Variants in PSMD11 observed in about 807,000 individuals in gnomAD.
PSMD11 encodes the protein proteasome 26S subunit, non-ATPase 11.
In PSMD11, 5 loss-of-function variants were observed where a neutral mutation model predicts 62.3. The ratio of observed to expected loss-of-function variants is 0.08; its 90% CI spans 0.04 to 0.17. PSMD11 has a LOEUF of 0.17. Among genes scored for constraint, PSMD11 ranks in the 10% least tolerant of loss-of-function variants. PSMD11 has a pLI of 1.00. For synonymous variants in PSMD11, 191 were observed against 191.8 expected (o/e 1.00, Z 0.03); for missense variants, 310 against 512.9 (o/e 0.60, Z 3.82).
intron 3 of PSMD11, among the ~76,000 whole-genome samples, chr17:32,456,561 G>A (rs1167685680): frequency 6.6e-6 from 1 of 151,026 alleles, no homozygotes. Flanking sequence ...ACGGAGTCTC[G>A]CTCTGTCGCC....
chr17:32,480,737 C>A lies in PSMD11; in HGVS notation c.*1-16C>A. On this transcript the variant is annotated splice_polypyrimidine_tract_variant and intron_variant, in intron 13 of 13. Transcript: ENST00000261712. ...TCATGGCTTCCTGATTGACACTGCT[C>A]TGTCTTCTCTTGCAGAGTTGGATCT... is the stretch of plus-strand genomic sequence containing the variant. 7.6e-7 allele frequency: 1 copy of A among 1,321,628 alleles called. No individual in the cohort carries two copies. Among genetic ancestry groups the A allele is most frequent in the Non-Finnish European group, 1.0e-6 (1 of 957,228 alleles). 81.9% of individuals were successfully genotyped at this position (1,321,628 alleles called of 1,614,324 possible).
chr17:32,481,331 C>T lies in PSMD11; in HGVS notation c.*579C>T. 6.2e-6 allele frequency: 1 copy of T among 160,648 alleles called. No individual in the cohort carries two copies. Among genetic ancestry groups the T allele is most frequent in the Non-Finnish European group, 1.4e-5 (1 of 72,534 alleles). 10.0% of individuals were successfully genotyped at this position (160,648 alleles called of 1,614,324 possible). On this transcript the variant is annotated 3_prime_UTR_variant, in exon 14 of 14. Transcript: ENST00000261712. ...AGCAGAGTAGCCGAAGGTCCTGCCG[C>T]CGCCGCCACCACCACCACCACTGCA...
Position 32,446,868 on chromosome 17 carries a change from T to C in PSMD11, c.92-77T>C, listed in dbSNP as rs1420338897. ...TAAATATGTTTGAGTTTGTAATGGA[T>C]CTTATGAGGGTGAAATTTCCCTCAG... On this transcript the variant is annotated intron_variant, in intron 1 of 13. Coordinates refer to ENST00000261712, the MANE Select transcript of PSMD11 (RefSeq NM_002815.4). The C allele has an allele frequency of 7.4e-6, 7 of 941,116 alleles. No individual in the cohort carries two copies. The Admixed American group carries it at 1.4e-4, about 19-fold the overall frequency. 58.3% of individuals were successfully genotyped at this position (941,116 alleles called of 1,614,324 possible). A position where few individuals can be genotyped will look rare whatever the true frequency, so the allele number is the denominator to read the frequency against.
chr17:32,468,084 G>C (rs1251560089), intron 5 of PSMD11, among the ~76,000 whole-genome samples: 1 of 152,130 alleles, frequency 6.6e-6, no homozygotes. Flanking sequence ...AGTTTGCTAA[G>C]GATAATAGCC....
At chr17:32,451,040 G>C (rs1380592307) in intron 2 of PSMD11, among the ~76,000 whole-genome samples, 2 of 151,214 alleles carry the variant, frequency 1.3e-5, no homozygotes, top group East Asian at 3.9e-4. Context: ...AGGATCACTT[G>C]AGCCTGGGAA....
chr17:32,480,213 A>G lies in PSMD11; in HGVS notation c.1126+16A>G. 1 of 1,607,776 alleles carries G rather than the reference A, an allele frequency of 6.2e-7. No homozygotes were observed. The highest frequency in any genetic ancestry group is 8.5e-7 in the Non-Finnish European group (1 of 1,174,170). On this transcript the variant is annotated intron_variant, in intron 12 of 13. Coordinates refer to ENST00000261712, the MANE Select transcript of PSMD11 (RefSeq NM_002815.4). Reference sequence around the variant, plus strand: ...AAATTTCATGGTAAGTAACAGTCACACAGGCAAGGGGGCTGGTGGTGGTGA... The same window carrying G: ...AAATTTCATGGTAAGTAACAGTCACGCAGGCAAGGGGGCTGGTGGTGGTGA...
chr17:32,444,987 T>G, intron 1 of PSMD11: 1 of 296,260 alleles, frequency 3.4e-6, no homozygotes, highest in Non-Finnish European at 6.3e-6. Context: ...GGACTGGTCC[T>G]AGAGTCTCTA....
intron 3 of PSMD11, among the ~76,000 whole-genome samples, chr17:32,459,236 T>C (rs1224257391): frequency 1.3e-5 from 2 of 151,376 alleles, no homozygotes; most frequent in African/African-American, 4.9e-5. Flanking sequence ...CAAAGGAATG[T>C]ATGGACTGTG....
intron 6 of PSMD11, among the ~76,000 whole-genome samples, chr17:32,471,248 G>A (rs1908153313): frequency 6.6e-6 from 1 of 152,204 alleles, no homozygotes; most frequent in African/African-American, 2.4e-5. Context: ...CCAAGTGATA[G>A]CATAGGTTGG....
Position 32,469,540 on chromosome 17 carries a change from CTTT to C in PSMD11, c.643+348_643+350del, listed in dbSNP as rs542916671. On this transcript the variant is annotated intron_variant, in intron 6 of 13. Coordinates refer to ENST00000261712, the MANE Select transcript of PSMD11 (RefSeq NM_002815.4). ...CCCAAGTCTGTTGACTCTTGGAGATCTTTGTAAAGTTGGTTGACTTTTCCAAAG... is the reference window on the plus strand; with the variant it reads ...CCCAAGTCTGTTGACTCTTGGAGATCGTAAAGTTGGTTGACTTTTCCAAAG... Among the ~76,000 whole-genome samples, 370 of 152,300 alleles carry C rather than the reference CTTT, an allele frequency of 2.4e-3. 1 individual carries two copies. Among genetic ancestry groups the C allele is most frequent in the African/African-American group, 7.8e-3 (323 of 41,562 alleles).
intron 6 of PSMD11, among the ~76,000 whole-genome samples, chr17:32,471,478 A>T (rs181068734): frequency 6.6e-6 from 1 of 152,252 alleles, no homozygotes; most frequent in Non-Finnish European, 1.5e-5. Context: ...ATGAAAATAT[A>T]AGATGTTGGA....
intron 3 of PSMD11, among the ~76,000 whole-genome samples, chr17:32,460,941 AAG>A (rs1907818512): frequency 6.6e-6 from 1 of 151,826 alleles, no homozygotes; most frequent in Non-Finnish European, 1.5e-5. Context: ...GGGAGTGGAA[AAG>A]TAAGGTGAAG....
At position 32,480,139 on chromosome 17, in the gene PSMD11, A is replaced by AT; in HGVS notation, c.1075-3dup. The stretch of plus-strand genomic sequence containing the variant: ...CTGGTCCCTTTAATCATGTGCTTTG[A>AT]TTTTAGGCCGACGTGGAAAGGAAAT... On this transcript the variant is annotated splice_region_variant and splice_polypyrimidine_tract_variant and intron_variant, in intron 11 of 13. Transcript: ENST00000261712. 6.2e-7 allele frequency: 1 copy of AT among 1,613,206 alleles called. No homozygotes were observed. The highest frequency in any genetic ancestry group is 8.5e-7 in the Non-Finnish European group (1 of 1,179,190).
At chr17:32,462,135 T>C (rs2150833755) in intron 3 of PSMD11, among the ~76,000 whole-genome samples, 1 of 152,180 alleles carries the variant, frequency 6.6e-6, no homozygotes, top group African/African-American at 2.4e-5. Context: ...GCCCAGGCAT[T>C]CTTTTTTTTT....
chr17:32,448,880 T>G (rs1907408613), intron 2 of PSMD11, among the ~76,000 whole-genome samples: 2 of 152,190 alleles, frequency 1.3e-5, no homozygotes, highest in African/African-American at 4.8e-5. Context: ...CCACATGACA[T>G]CATGGTTATT....
At chr17:32,456,855 C>T (rs928285718) in intron 3 of PSMD11, among the ~76,000 whole-genome samples, 3 of 152,168 alleles carry the variant, frequency 2.0e-5, no homozygotes, top group Admixed American at 6.5e-5. Flanking sequence ...TTAGTAGAGA[C>T]GGGGTTTCAC....
intron 7 of PSMD11, 39 bp downstream of exon 7, chr17:32,473,984 C>T: frequency 6.2e-7 from 1 of 1,608,118 alleles, no homozygotes; most frequent in Non-Finnish European, 8.5e-7. Flanking sequence ...GAACTCAGAT[C>T]CTTCAGCAAG....
At chr17:32,477,656 T>C (rs1908368114) in intron 9 of PSMD11, 73 bp downstream of exon 9, 2 of 1,320,460 alleles carry the variant, frequency 1.5e-6, no homozygotes, top group South Asian at 1.3e-5. Flanking sequence ...AAACACACTT[T>C]TAAAAATAAT....
At chr17:32,467,383 T>C (rs899912767) in intron 5 of PSMD11, among the ~76,000 whole-genome samples, 14 of 151,610 alleles carry the variant, frequency 9.2e-5, no homozygotes, top group Admixed American at 6.6e-4. Context: ...GTAGCTGAGA[T>C]TATAGGCGTG....
Sources: gnomAD v4.1 joint callset for allele counts (sites outside exome capture counted in the v4.1 genomes callset) on GRCh38, gnomAD v4.1.1 for gene constraint, MANE v1.5 for transcripts, NCBI Gene and HGNC (gene_info 2026-07-23, HGNC 2026-07-21) for gene names.